The following TPGS2 variants were observed in gnomAD, a reference collection of about 807,000 sequenced individuals.
TPGS2 encodes polyglutamylase subunit 2.
A neutral mutation model predicts 31.1 loss-of-function variants in TPGS2; 26 were observed. That is an observed-to-expected ratio of 0.84 (90% CI 0.61 to 1.16). The LOEUF (loss-of-function observed/expected upper bound fraction) is 1.16, where lower values mean the gene tolerates loss of function less well. Among genes scored for constraint, TPGS2 ranks in the 50% most tolerant of loss-of-function variants. TPGS2 has a pLI of 0.00. For synonymous variants in TPGS2, 130 were observed against 136.6 expected (o/e 0.95, Z 0.34); for missense variants, 351 against 363.8 (o/e 0.96, Z 0.29).
In TPGS2 at chr18:36,828,885, G is replaced by A; in HGVS notation, c.-118C>T. On this transcript the variant is annotated 5_prime_UTR_variant, in exon 1 of 7. Transcript: ENST00000334295. ...GTAGTTCTCGGCGCCTGAAAGCGCG[G>A]CGCAGTGATGATGGGGGCCCGGGGT... 3 of 1,285,534 alleles carry A rather than the reference G, an allele frequency of 2.3e-6. No individual in the cohort carries two copies. Among genetic ancestry groups the A allele is most frequent in the Admixed American group, 2.2e-5 (1 of 46,062 alleles). The allele number at this position is 1,285,534 out of a possible 1,614,324, so 79.6% of individuals were successfully genotyped here.
rs538275780 is a variant in TPGS2, at chr18:36,818,866, G to A, written c.165+28C>T. On this transcript the variant is annotated intron_variant, in intron 2 of 6. Coordinates refer to ENST00000334295, the MANE Select transcript of TPGS2 (RefSeq NM_015476.4). ...ATTTACACTGACCTCTCTTTGATGG[G>A]AGGTAGAGTTCATGTGGCAACACTT... The A allele has an allele frequency of 2.2e-5, 35 of 1,595,374 alleles. No individual in the cohort carries two copies. The African/African-American group carries it at 3.9e-4, about 18-fold the overall frequency.
chr18:36,789,104 T>A (rs2044221650), intron 6 of TPGS2: 1 of 152,148 alleles, frequency 6.6e-6, no homozygotes, highest in African/African-American at 2.4e-5. Context: ...ACTCTGCAGC[T>A]AAAATGGGTA....
intron 6 of TPGS2, among the ~76,000 whole-genome samples, chr18:36,787,996 AATCT>A (rs1362700050): frequency 6.6e-6 from 1 of 152,218 alleles, no homozygotes; most frequent in Non-Finnish European, 1.5e-5. Context: ...TCTATTGGTC[AATCT>A]ATCTGTGTGT....
At chr18:36,789,724 T>A (rs2044243944), downstream of TPGS2, 1 of 152,282 alleles carries the variant, frequency 6.6e-6, no homozygotes, top group Non-Finnish European at 1.5e-5. Context: ...AGGGACCCAG[T>A]GGGAGATAAC....
chr18:36,799,266 T>A (rs1568004364), intron 5 of TPGS2, among the ~76,000 whole-genome samples: 1 of 152,198 alleles, frequency 6.6e-6, no homozygotes, highest in Non-Finnish European at 1.5e-5. Flanking sequence ...TCCCTGCCAT[T>A]TTACTAAACA....
At chr18:36,802,120 A>C (rs1381940534) in intron 4 of TPGS2, among the ~76,000 whole-genome samples, 1 of 152,192 alleles carries the variant, frequency 6.6e-6, no homozygotes, top group African/African-American at 2.4e-5. Context: ...GTGCTTGAAA[A>C]TCACTGTTTT....
intron 1 of TPGS2, 168 bp from the exon 2 acceptor site, chr18:36,819,141 C>T: frequency 1.7e-6 from 1 of 589,282 alleles, no homozygotes; most frequent in South Asian, 2.2e-5. Flanking sequence ...CTCTGAAAGG[C>T]ATGGTCCCAT....
Position 36,800,184 on chromosome 18 carries a change from T to C in TPGS2, c.496+14A>G. The C allele has an allele frequency of 6.2e-7, 1 of 1,612,516 alleles. No homozygotes were observed. Among genetic ancestry groups the C allele is most frequent in the Non-Finnish European group, 8.5e-7 (1 of 1,178,564 alleles). ...TAGCCAAACTACGGGACCACGCTTG[T>C]AAACAATTCTTACCTGGTTTCCCAC... On this transcript the variant is annotated intron_variant, in intron 5 of 6. Coordinates refer to ENST00000334295, the MANE Select transcript of TPGS2 (RefSeq NM_015476.4).
intron 2 of TPGS2, 138 bp from the exon 3 acceptor site, chr18:36,808,072 C>CT: frequency 8.6e-6 from 7 of 812,916 alleles, no homozygotes; most frequent in Non-Finnish European, 1.4e-5. Context: ...CTACAAAACT[C>CT]TATTAGAGAG....
intron 1 of TPGS2, among the ~76,000 whole-genome samples, chr18:36,823,457 C>CTTTTTTTTTTT (rs1193182256): frequency 9.3e-6 from 1 of 107,080 alleles, no homozygotes; most frequent in African/African-American, 5.0e-5. Flanking sequence ...TTGTTAACAG[C>CTTTTTTTTTTT]TTGTTTTTTT....
intron 6 of TPGS2, among the ~76,000 whole-genome samples, chr18:36,785,919 GGGTT>G: frequency 6.6e-6 from 1 of 152,274 alleles, no homozygotes; most frequent in South Asian, 2.1e-4. Context: ...TATGCTGAAT[GGGTT>G]GGCCAAGTAT....
At chr18:36,822,701 C>A (rs1025550732) in intron 1 of TPGS2, among the ~76,000 whole-genome samples, 1 of 152,114 alleles carries the variant, frequency 6.6e-6, no homozygotes, top group Admixed American at 6.5e-5. Context: ...CTCAAGTGAT[C>A]CTCCCATCTT....
At position 36,795,566 on chromosome 18, in the gene TPGS2, A is replaced by G. The variant is rs1020109679; in HGVS notation, c.*1239T>C. ...CACAGCCAGGACTGTAGAGGGAGGA[A>G]ATAAATAGGCATTCCTAATTGAAAA... is the stretch of plus-strand genomic sequence containing the variant. On this transcript the variant is annotated 3_prime_UTR_variant, in exon 7 of 7. Transcript: ENST00000334295. 5 of 985,358 alleles carry G rather than the reference A, an allele frequency of 5.1e-6. No homozygotes were observed. In the African/African-American group the frequency reaches 8.7e-5, roughly 17 times the overall value. The allele number at this position is 985,358 out of a possible 1,614,324, so 61.0% of individuals were successfully genotyped here.
chr18:36,783,806 C>T (rs1224331208), intron 6 of TPGS2, among the ~76,000 whole-genome samples: 1 of 152,154 alleles, frequency 6.6e-6, no homozygotes, highest in Non-Finnish European at 1.5e-5. Flanking sequence ...GTCCTAATCC[C>T]TGGAACCTAG....
chr18:36,827,650 T>G (rs564959148), intron 1 of TPGS2, among the ~76,000 whole-genome samples: 4 of 152,226 alleles, frequency 2.6e-5, no homozygotes, highest in Non-Finnish European at 5.9e-5. Context: ...TGAAGCATGC[T>G]TTTCAGCCTT....
chr18:36,823,349 C>T (rs181232005), intron 1 of TPGS2, among the ~76,000 whole-genome samples: 1,760 of 152,264 alleles, frequency 0.012, 21 homozygotes, highest in South Asian at 0.051. Context: ...TCTCGGCTTG[C>T]AGAGGCCACC....
At chr18:36,806,800 G>C (rs148408180) in intron 3 of TPGS2, among the ~76,000 whole-genome samples, 20 of 129,064 alleles carry the variant, frequency 1.5e-4, no homozygotes, top group Non-Finnish European at 3.1e-4. Context: ...GCAGTGAGCA[G>C]AGATCGCGCC....
At chr18:36,822,379 AT>A (rs1332277838) in intron 1 of TPGS2, among the ~76,000 whole-genome samples, 1 of 152,208 alleles carries the variant, frequency 6.6e-6, no homozygotes, top group Non-Finnish European at 1.5e-5. Flanking sequence ...AGTGTAATAA[AT>A]TATACTTGGG....
chr18:36,818,810 C>T (rs974374224), intron 2 of TPGS2, 84 bp downstream of exon 2: 3 of 1,263,456 alleles, frequency 2.4e-6, no homozygotes, highest in Non-Finnish European at 3.4e-6. Context: ...AGTAAATATT[C>T]TTCCTCCCCT....
Sources: allele counts gnomAD v4.1 joint callset (sites outside exome capture counted in the v4.1 genomes callset), GRCh38; gene constraint gnomAD v4.1.1; transcripts MANE v1.5; gene names NCBI Gene and HGNC (gene_info 2026-07-23, HGNC 2026-07-21).